CTIF: variants seen among roughly 807,000 people sequenced by gnomAD.
CTIF encodes CBP80/20-dependent translation initiation factor.
A neutral mutation model predicts 66.0 loss-of-function variants in CTIF; 21 were observed. The ratio of observed to expected loss-of-function variants is 0.32; its 90% CI spans 0.23 to 0.46. The LOEUF (loss-of-function observed/expected upper bound fraction) is 0.46. Among genes scored for constraint, CTIF ranks in the 20% least tolerant of loss-of-function variants. The pLI is 1.00. For synonymous variants in CTIF, 345 were observed against 326.4 expected, an observed-to-expected ratio of 1.06 and a Z score of -0.62; for missense variants, 739 against 812.7, an observed-to-expected ratio of 0.91 and a Z score of 1.10.
chr18:48,560,225 T>TG (rs1381350616), intron 1 of CTIF, among the ~76,000 whole-genome samples: 2 of 146,656 alleles, frequency 1.4e-5, no homozygotes, highest in Non-Finnish European at 1.5e-5. Flanking sequence ...ATTTGGAGGC[T>TG]ATTTTTTTTT....
intron 6 of CTIF, among the ~76,000 whole-genome samples, chr18:48,673,015 C>A (rs1270648189): frequency 1.3e-5 from 2 of 152,160 alleles, no homozygotes; most frequent in African/African-American, 2.4e-5. Context: ...TCTGCCTGTC[C>A]TTTTTCTGGC....
chr18:48,554,749 C>G (rs1006724651), intron 1 of CTIF, among the ~76,000 whole-genome samples: 2 of 152,260 alleles, frequency 1.3e-5, no homozygotes, highest in African/African-American at 4.8e-5. Context: ...CTCTAAATGA[C>G]TTAATCACAG....
intron 2 of CTIF, chr18:48,621,713 A>G: frequency 3.7e-6 from 1 of 268,102 alleles, no homozygotes; most frequent in Non-Finnish European, 7.4e-6. Flanking sequence ...CGGTGAAGGC[A>G]GAAGCCTGCC....
intron 7 of CTIF, among the ~76,000 whole-genome samples, chr18:48,717,375 G>T (rs1439965444): frequency 6.6e-6 from 1 of 151,562 alleles, no homozygotes; most frequent in African/African-American, 2.4e-5. Flanking sequence ...TCCAGCCTGG[G>T]CAACAAGAGC....
At chr18:48,805,586 C>T (rs2068129382) in intron 9 of CTIF, among the ~76,000 whole-genome samples, 1 of 152,086 alleles carries the variant, frequency 6.6e-6, no homozygotes, top group Non-Finnish European at 1.5e-5. Context: ...TGAAGCAACC[C>T]TGGGAAGGGG....
Position 48,560,793 on chromosome 18 carries a change from G to C in CTIF, c.-29+21481G>C, listed in dbSNP as rs565138858. ...CCACCACGTTGCCCAGGCTGGTCAC[G>C]ATCTCCTAGGCTCCAGTGATCCTCC... On this transcript the variant is annotated intron_variant, in intron 1 of 11. Coordinates refer to ENST00000256413, the MANE Select transcript of CTIF (RefSeq NM_014772.3). Among the ~76,000 whole-genome samples the C allele has an allele frequency of 2.6e-5, 4 of 151,502 alleles. No individual in the cohort carries two copies. The East Asian group carries it at 5.9e-4, about 22-fold the overall frequency.
At chr18:48,833,746 A>G (rs1338715424) in intron 10 of CTIF, among the ~76,000 whole-genome samples, 1 of 152,210 alleles carries the variant, frequency 6.6e-6, no homozygotes, top group Non-Finnish European at 1.5e-5. Flanking sequence ...CATGCTTAAA[A>G]GCTTACCTAG....
At chr18:48,842,271 C>A (rs1309588802) in intron 10 of CTIF, among the ~76,000 whole-genome samples, 5 of 152,042 alleles carry the variant, frequency 3.3e-5, no homozygotes, top group Non-Finnish European at 5.9e-5. Flanking sequence ...CTGAGTAGAA[C>A]GAGGGTGGTG....
intron 1 of CTIF, among the ~76,000 whole-genome samples, chr18:48,612,477 A>G (rs2090324816): frequency 6.6e-6 from 1 of 152,214 alleles, no homozygotes; most frequent in Admixed American, 6.5e-5. Flanking sequence ...GGAGGGGACC[A>G]GGGCCCGAAA....
intron 1 of CTIF, chr18:48,565,915 C>T (rs1002312274): frequency 6.6e-6 from 1 of 152,318 alleles, no homozygotes; most frequent in South Asian, 2.1e-4. Context: ...GGGGTCCGGC[C>T]TCCTGAACTT....
chr18:48,591,998 T>C (rs990930261), intron 1 of CTIF, among the ~76,000 whole-genome samples: 5 of 152,338 alleles, frequency 3.3e-5, no homozygotes, highest in African/African-American at 7.2e-5. Flanking sequence ...GTGATCCTCC[T>C]GCCTCTGCTT....
At chr18:48,588,995 A>G (rs954419462) in intron 1 of CTIF, among the ~76,000 whole-genome samples, 5 of 152,246 alleles carry the variant, frequency 3.3e-5, no homozygotes, top group Admixed American at 2.0e-4. Context: ...CCAGAGGTTA[A>G]GTAGATCCAA....
At chr18:48,700,731 C>T (rs553400039) in intron 6 of CTIF, among the ~76,000 whole-genome samples, 1 of 152,232 alleles carries the variant, frequency 6.6e-6, no homozygotes, top group African/African-American at 2.4e-5. Flanking sequence ...GCATCCCTTC[C>T]TCCACAGCTC....
chr18:48,627,519 G>A (rs565448721), intron 2 of CTIF, among the ~76,000 whole-genome samples: 3 of 152,118 alleles, frequency 2.0e-5, no homozygotes, highest in Admixed American at 1.3e-4. Context: ...AGGAGTTCGA[G>A]GCCAGCCTGG....
intron 9 of CTIF, among the ~76,000 whole-genome samples, chr18:48,774,067 A>T (rs563968613): frequency 3.9e-5 from 6 of 152,254 alleles, no homozygotes; most frequent in African/African-American, 1.4e-4. Flanking sequence ...AGCCACCAAG[A>T]GGTCAGGAAC....
chr18:48,617,888 C>A lies in CTIF; in HGVS notation c.-28-1650C>A, dbSNP rs1024459440. On this transcript the variant is annotated intron_variant, in intron 1 of 11. Transcript: ENST00000256413. ...AGCTCAGGGGGCCCAGAGCGAGGCC[C>A]TGCAGCACCTCAGAGCTCCCTGCAG... Among the ~76,000 whole-genome samples the A allele has an allele frequency of 2.6e-5, 4 of 152,154 alleles. No individual in the cohort carries two copies. In the East Asian group the frequency reaches 7.7e-4, roughly 29 times the overall value.
At chr18:48,673,671 G>A (rs1437279552) in intron 6 of CTIF, 1 of 152,198 alleles carries the variant, frequency 6.6e-6, no homozygotes, top group Admixed American at 6.5e-5. Flanking sequence ...TGGTATCCAA[G>A]TGGCCCTGGC....
At chr18:48,706,327 A>G (rs1011445782) in intron 6 of CTIF, among the ~76,000 whole-genome samples, 2 of 152,140 alleles carry the variant, frequency 1.3e-5, no homozygotes, top group African/African-American at 2.4e-5. Flanking sequence ...TTGCAGGTGC[A>G]TGGAGGGATG....
intron 9 of CTIF, among the ~76,000 whole-genome samples, chr18:48,780,988 A>G (rs988047050): frequency 3.9e-5 from 6 of 152,192 alleles, no homozygotes; most frequent in African/African-American, 1.4e-4. Flanking sequence ...AAAGACTAGC[A>G]AGCCAATATG....
Sources: allele counts gnomAD v4.1 joint callset (sites outside exome capture counted in the v4.1 genomes callset), GRCh38; gene constraint gnomAD v4.1.1; transcripts MANE v1.5; gene names NCBI Gene and HGNC (gene_info 2026-07-23, HGNC 2026-07-21).